ATP2B2: variants seen among roughly 807,000 people sequenced by gnomAD.
The protein encoded by ATP2B2 is plasma membrane calcium-transporting ATPase 2.
ATP2B2 carries 15 observed loss-of-function variants against 120.0 expected under a neutral mutation model. The ratio of observed to expected loss-of-function variants is 0.12; its 90% CI spans 0.08 to 0.19. ATP2B2 has a LOEUF of 0.19. Among genes scored for constraint, ATP2B2 ranks in the 10% least tolerant of loss-of-function variants. The pLI is 1.00. For missense variants in ATP2B2, 1,045 were observed against 1,719.8 expected (o/e 0.61, Z 6.94); for synonymous variants, 694 against 700.3 (o/e 0.99, Z 0.14).
chr3:10,518,858 G>T (rs2066927152), intron 3 of ATP2B2, among the ~76,000 whole-genome samples: 2 of 152,162 alleles, frequency 1.3e-5, no homozygotes, highest in African/African-American at 4.8e-5. Flanking sequence ...GTTCTGTGTG[G>T]CCATGGGAAA....
chr3:10,388,175 G>A (rs563045779), intron 6 of ATP2B2, 102 bp downstream of exon 6: 14 of 1,564,212 alleles, frequency 9.0e-6, no homozygotes, highest in Middle Eastern at 1.7e-4. Flanking sequence ...GGGTGCGGAC[G>A]TAGAAGGCAC....
chr3:10,469,790 T>C (rs1424562101), intron 1 of ATP2B2, among the ~76,000 whole-genome samples: 2 of 152,170 alleles, frequency 1.3e-5, no homozygotes, highest in African/African-American at 4.8e-5. Flanking sequence ...GGGGCAGTCC[T>C]TCCTGGGCTA....
chr3:10,699,812 A>G (rs1026846106), intron 1 of ATP2B2, among the ~76,000 whole-genome samples: 1 of 152,122 alleles, frequency 6.6e-6, no homozygotes, highest in Non-Finnish European at 1.5e-5. Context: ...AAGTGAGTTC[A>G]GCCCCCTTTT....
chr3:10,624,595 C>A (rs1418223605), intron 1 of ATP2B2, among the ~76,000 whole-genome samples: 1 of 152,178 alleles, frequency 6.6e-6, no homozygotes, highest in African/African-American at 2.4e-5. Context: ...GCAAGCAGCA[C>A]GGCTTTGTCA....
intron 2 of ATP2B2, among the ~76,000 whole-genome samples, chr3:10,563,440 G>A (rs920239749): frequency 3.3e-5 from 5 of 152,252 alleles, no homozygotes; most frequent in African/African-American, 1.2e-4. Flanking sequence ...TGGGTAAACA[G>A]GATGTTATGT....
chr3:10,386,820 T>C (rs538695106), intron 6 of ATP2B2, among the ~76,000 whole-genome samples: 29 of 152,298 alleles, frequency 1.9e-4, no homozygotes, highest in Admixed American at 1.8e-3. Context: ...TGAGGCTATT[T>C]TTCTGACATC....
At chr3:10,377,676 C>T (rs2061418894) in intron 10 of ATP2B2, among the ~76,000 whole-genome samples, 1 of 152,192 alleles carries the variant, frequency 6.6e-6, no homozygotes, top group Admixed American at 6.5e-5. Flanking sequence ...TTGGCAATGT[C>T]CTTCAACCTC....
chr3:10,495,155 T>C (rs753322699), intron 1 of ATP2B2, among the ~76,000 whole-genome samples: 2 of 152,196 alleles, frequency 1.3e-5, no homozygotes, highest in African/African-American at 4.8e-5. Flanking sequence ...CACCCTGAAC[T>C]TGTCCCCGTG....
intron 2 of ATP2B2, among the ~76,000 whole-genome samples, chr3:10,535,837 G>A (rs2067302837): frequency 6.6e-6 from 1 of 152,022 alleles, no homozygotes; most frequent in Non-Finnish European, 1.5e-5. Flanking sequence ...TTTTTTGTGT[G>A]AACAAATTGT....
rs746780066 is a variant in ATP2B2, at chr3:10,359,965, G to A, written c.1818C>T (p.Arg606=). The change falls in exon 13 of 23, where the codon CGC becomes CGT. Residue 606 remains arginine (R), a synonymous_variant. Coordinates refer to ENST00000360273, the MANE Select transcript of ATP2B2 (RefSeq NM_001001331.4). ...LYKVYTFNSV[R]KSMSTVIKLP... ...GCTTGATGACAGTGCTCATGGACTT[G>A]CGCACGGAGTTGAAGGTGTACACTT... The A allele has an allele frequency of 6.2e-7, 1 of 1,614,244 alleles. No homozygotes were observed. The highest frequency in any genetic ancestry group is 8.5e-7 in the Non-Finnish European group (1 of 1,180,040).
chr3:10,393,390 C>A (rs2061921885), intron 5 of ATP2B2, among the ~76,000 whole-genome samples: 1 of 152,108 alleles, frequency 6.6e-6, no homozygotes, highest in Non-Finnish European at 1.5e-5. Context: ...AAGAGAATAT[C>A]TTTTGAGCAT....
At chr3:10,696,351 C>T (rs899002706) in intron 1 of ATP2B2, among the ~76,000 whole-genome samples, 3 of 152,220 alleles carry the variant, frequency 2.0e-5, no homozygotes, top group Admixed American at 6.5e-5. Flanking sequence ...GTCTTCAAAG[C>T]CCTGCCTCCC....
At chr3:10,655,648 C>T (rs1239995039) in intron 1 of ATP2B2, among the ~76,000 whole-genome samples, 1 of 152,136 alleles carries the variant, frequency 6.6e-6, no homozygotes, top group Admixed American at 6.5e-5. Context: ...AAGAACAGGC[C>T]CCATGTCCCT....
chr3:10,580,946 T>C (rs1348666244), intron 2 of ATP2B2, among the ~76,000 whole-genome samples: 1 of 152,258 alleles, frequency 6.6e-6, no homozygotes, highest in Non-Finnish European at 1.5e-5. Flanking sequence ...GCCTGAAATA[T>C]GTAATCTGGC....
chr3:10,402,766 C>T lies in ATP2B2; in HGVS notation c.398-418G>A, dbSNP rs2062265810. ...TTTTTCTCATCTGGGTAAGAATATT[C>T]TCTATCTCGGGGACCTATTGTCAGA... On this transcript the variant is annotated intron_variant, in intron 3 of 22. Transcript: ENST00000360273. This position sits in a 1 kb window ranked among gnomAD's most constrained non-coding sequence, Gnocchi z 4.9. Among the ~76,000 whole-genome samples the T allele has an allele frequency of 6.6e-6, 1 of 152,176 alleles. No individual in the cohort carries two copies. Among genetic ancestry groups the T allele is most frequent in the South Asian group, 2.1e-4 (1 of 4,820 alleles).
At position 10,690,476 on chromosome 3, in the gene ATP2B2, C is replaced by CTATA. The variant is rs1553651006; in HGVS notation, c.-460+17435_-460+17438dup. On this transcript the variant is annotated intron_variant, in intron 1 of 21. Transcript: ENST00000646379. ...TCTATCTATCTATCTATCTATCTAT[C>CTATA]TATATATCTCCTTCACCCCTTAACA... Among the ~76,000 whole-genome samples, 846 of 150,434 alleles carry CTATA rather than the reference C, an allele frequency of 5.6e-3. 8 individuals are homozygous for CTATA. The highest frequency in any genetic ancestry group is 0.023 in the East Asian group (118 of 5,134).
intron 8 of ATP2B2, 138 bp downstream of exon 8, chr3:10,385,130 T>G: frequency 4.6e-6 from 4 of 860,700 alleles, no homozygotes; most frequent in Non-Finnish European, 7.6e-6. Flanking sequence ...CTGCCCCATG[T>G]GAGAAGGTGA....
At chr3:10,403,708 T>C (rs1337914938) in intron 3 of ATP2B2, among the ~76,000 whole-genome samples, 1 of 152,204 alleles carries the variant, frequency 6.6e-6, no homozygotes, top group African/African-American at 2.4e-5. Flanking sequence ...GGTGGGGCAC[T>C]GGATACCCTG....
intron 5 of ATP2B2, among the ~76,000 whole-genome samples, chr3:10,398,958 T>C (rs2062132212): frequency 6.6e-6 from 1 of 152,118 alleles, no homozygotes; most frequent in Non-Finnish European, 1.5e-5. Flanking sequence ...TTCCCATCCA[T>C]CTCTGCCCGT....
Sources: allele counts gnomAD v4.1 joint callset (sites outside exome capture counted in the v4.1 genomes callset), GRCh38; gene constraint gnomAD v4.1.1; non-coding constraint Gnocchi (gnomAD v3.1); transcripts MANE v1.5; gene names NCBI Gene and HGNC (gene_info 2026-07-23, HGNC 2026-07-21).